NIBAN1: variants seen among roughly 807,000 people sequenced by gnomAD.
NIBAN1 encodes the protein niban apoptosis regulator 1, also known as protein Niban 1.
In NIBAN1, 81 loss-of-function variants were observed where a neutral mutation model predicts 75.1. That is an observed-to-expected ratio of 1.08 (90% CI 0.90 to 1.30). The LOEUF is 1.30. Among genes scored for constraint, NIBAN1 ranks in the 50% most tolerant of loss-of-function variants. The probability of loss-of-function intolerance (pLI) is 0.00; values close to 1 mark genes in which losing one functional copy is unlikely to be tolerated. For missense variants in NIBAN1, 1,133 were observed against 1,128.1 expected, an observed-to-expected ratio of 1.00 and a Z score of -0.06; for synonymous variants, 436 against 424.8, an observed-to-expected ratio of 1.03 and a Z score of -0.32.
intron 9 of NIBAN1, among the ~76,000 whole-genome samples, chr1:184,813,902 C>T (rs1296124175): frequency 6.6e-6 from 1 of 152,134 alleles, no homozygotes; most frequent in Non-Finnish European, 1.5e-5. Flanking sequence ...TAATTAAAAT[C>T]CCTTACTCAC....
intron 5 of NIBAN1, among the ~76,000 whole-genome samples, chr1:184,860,608 G>A (rs1222151817): frequency 6.6e-6 from 1 of 152,150 alleles, no homozygotes; most frequent in Non-Finnish European, 1.5e-5. Flanking sequence ...ACTAAGTACT[G>A]TCTTTTCATT....
chr1:184,940,779 A>T (rs924508881), intron 1 of NIBAN1, among the ~76,000 whole-genome samples: 1 of 152,222 alleles, frequency 6.6e-6, no homozygotes, highest in African/African-American at 2.4e-5. Flanking sequence ...CTGCATTCTC[A>T]GTTAATAGAT....
At chr1:184,830,623 G>T (rs950612175) in intron 6 of NIBAN1, among the ~76,000 whole-genome samples, 1 of 152,094 alleles carries the variant, frequency 6.6e-6, no homozygotes, top group Non-Finnish European at 1.5e-5. Context: ...CAGAGGCAAG[G>T]CACCATTCAG....
intron 1 of NIBAN1, among the ~76,000 whole-genome samples, chr1:184,955,431 C>G (rs1402141035): frequency 6.6e-6 from 1 of 151,322 alleles, no homozygotes; most frequent in African/African-American, 2.4e-5. Flanking sequence ...CTCTGTCTCC[C>G]AGGATCAAGC....
At chr1:184,901,011 G>A (rs1042469905) in intron 1 of NIBAN1, among the ~76,000 whole-genome samples, 1 of 152,106 alleles carries the variant, frequency 6.6e-6, no homozygotes, top group African/African-American at 2.4e-5. Flanking sequence ...TAAGTGAAGA[G>A]TTCTAACTAC....
At chr1:184,937,039 C>T (rs540956092) in intron 1 of NIBAN1, among the ~76,000 whole-genome samples, 4 of 151,796 alleles carry the variant, frequency 2.6e-5, no homozygotes, top group East Asian at 1.9e-4. Context: ...CTTATACGGG[C>T]GCATTTCTTT....
At chr1:184,881,487 C>T (rs532154626) in intron 5 of NIBAN1, among the ~76,000 whole-genome samples, 3 of 152,206 alleles carry the variant, frequency 2.0e-5, no homozygotes, top group East Asian at 3.9e-4. Flanking sequence ...CAGCTGCTAG[C>T]GTTACAGGAA....
intron 1 of NIBAN1, among the ~76,000 whole-genome samples, chr1:184,915,068 T>C (rs1348571676): frequency 6.6e-6 from 1 of 152,242 alleles, no homozygotes; most frequent in African/African-American, 2.4e-5. Flanking sequence ...GGTTACCATA[T>C]TGAGCAGTAT....
intron 1 of NIBAN1, among the ~76,000 whole-genome samples, chr1:184,949,215 A>G (rs1658301065): frequency 6.6e-6 from 1 of 152,122 alleles, no homozygotes; most frequent in Non-Finnish European, 1.5e-5. Flanking sequence ...AAAATTAGCC[A>G]GGCGTGGTGG....
intron 5 of NIBAN1, among the ~76,000 whole-genome samples, chr1:184,861,161 A>T (rs1655805730): frequency 6.6e-6 from 1 of 152,224 alleles, no homozygotes; most frequent in African/African-American, 2.4e-5. Flanking sequence ...ATACCTAGGC[A>T]AATGGTGTGG....
intron 1 of NIBAN1, among the ~76,000 whole-genome samples, chr1:184,973,819 G>A (rs1415710564): frequency 6.6e-6 from 1 of 152,252 alleles, no homozygotes; most frequent in East Asian, 1.9e-4. Context: ...GATGAAGTGC[G>A]AGCGAAGCTG....
chr1:184,832,031 T>A, intron 5 of NIBAN1, 69 bp from the exon 6 acceptor site: 1 of 1,129,314 alleles, frequency 8.9e-7, no homozygotes, highest in Non-Finnish European at 1.3e-6. Context: ...TCTTCAAGTG[T>A]AATGGCTCAG....
At chr1:184,803,312 T>C (rs1654095964) in intron 12 of NIBAN1, among the ~76,000 whole-genome samples, 1 of 152,184 alleles carries the variant, frequency 6.6e-6, no homozygotes. Context: ...AGTCCAGGGG[T>C]CAGCATATCT....
intron 1 of NIBAN1, among the ~76,000 whole-genome samples, chr1:184,961,680 T>C (rs1658654284): frequency 6.6e-6 from 1 of 152,224 alleles, no homozygotes; most frequent in African/African-American, 2.4e-5. Context: ...GGGGTGAATC[T>C]TGATTGGTCT....
rs758831294 is a variant in NIBAN1 at position 184,894,146 on chromosome 1, T to C, written c.247A>G (p.Ile83Val). ...ACGTATCTCTCCTTCCACTTCTTTA[T>C]GTCTTCAGAAAATTGTGATAGCTCT... Reference protein sequence around the residue: ...EAELSQFSEDIKKWKERYVVV... With the variant: ...EAELSQFSEDVKKWKERYVVV... Residue 83 changes from isoleucine (I) to valine (V), a missense_variant, in exon 3 of 14, where the codon ATA becomes GTA. Ile to Val is a conservative substitution (Grantham distance 29). Transcript: ENST00000367511. The C allele has an allele frequency of 1.2e-6, 2 of 1,613,058 alleles. No individual in the cohort carries two copies. The highest frequency in any genetic ancestry group is 1.7e-5 in the Admixed American group (1 of 59,874).
intron 6 of NIBAN1, among the ~76,000 whole-genome samples, chr1:184,829,348 G>T (rs1343230722): frequency 6.6e-6 from 1 of 151,910 alleles, no homozygotes; most frequent in Non-Finnish European, 1.5e-5. Context: ...CACCATGATG[G>T]CAAGGGACGA....
intron 9 of NIBAN1, among the ~76,000 whole-genome samples, chr1:184,811,721 C>T (rs1394616610): frequency 1.3e-5 from 2 of 151,802 alleles, no homozygotes; most frequent in African/African-American, 4.8e-5. Context: ...CTCGATTTCC[C>T]GACCTCACGA....
chr1:184,811,939 G>T (rs1654392733), intron 9 of NIBAN1, among the ~76,000 whole-genome samples: 1 of 152,164 alleles, frequency 6.6e-6, no homozygotes, highest in South Asian at 2.1e-4. Flanking sequence ...ACAGGATTAG[G>T]CATGTACAGG....
chr1:184,805,219 T>C (rs1014023092), intron 11 of NIBAN1, among the ~76,000 whole-genome samples: 1 of 152,186 alleles, frequency 6.6e-6, no homozygotes, highest in Non-Finnish European at 1.5e-5. Context: ...TCCAAGGCAA[T>C]GTTTAGGGGA....
Sources: allele counts gnomAD v4.1 joint callset (sites outside exome capture counted in the v4.1 genomes callset), GRCh38; gene constraint gnomAD v4.1.1; transcripts MANE v1.5; gene names NCBI Gene and HGNC (gene_info 2026-07-23, HGNC 2026-07-21).